The following UBXN11 variants were observed in gnomAD, a reference collection of about 807,000 sequenced individuals.
UBXN11 encodes the protein UBX domain protein 11.
A neutral mutation model predicts 62.8 loss-of-function variants in UBXN11; 47 were observed. The ratio of observed to expected loss-of-function variants is 0.75; its 90% CI spans 0.59 to 0.95. The LOEUF (loss-of-function observed/expected upper bound fraction) is 0.95. UBXN11 is among the 40% of genes least tolerant of loss of function. The pLI is 0.00. For missense variants in UBXN11, 638 were observed against 661.7 expected (o/e 0.96, Z 0.39); for synonymous variants, 294 against 267.0 (o/e 1.10, Z -0.99).
intron 1 of UBXN11, among the ~76,000 whole-genome samples, chr1:26,312,522 G>A (rs887267191): frequency 3.3e-5 from 5 of 151,796 alleles, no homozygotes; most frequent in Admixed American, 1.3e-4. Flanking sequence ...AAAGTGCTGG[G>A]ATTACAGGCA....
In UBXN11 at chr1:26,294,271, C is replaced by A. The variant is rs1469301125; in HGVS notation, c.493G>T (p.Glu165Ter). 9 of 1,614,232 alleles carry A rather than the reference C, an allele frequency of 5.6e-6. No homozygotes were observed. Among genetic ancestry groups the A allele is most frequent in the Non-Finnish European group, 7.6e-6 (9 of 1,180,016 alleles). ...CCATGCTCTGAGACTGTCTTGCTCT[C>A]TGAGTCCTCCTGGTCCATGGGCTCG... ...VGEPMDQEDS[E>*]SKTVSEHGER... The change falls in exon 8 of 15, where the codon GAG becomes TAG. Residue 165 changes from glutamate (E) to a stop codon, truncating the protein, a stop_gained. Coordinates refer to ENST00000374222, the MANE Select transcript of UBXN11 (RefSeq NM_001389556.1). LOFTEE classifies it high-confidence loss of function.
intron 12 of UBXN11, 122 bp from the exon 13 acceptor site, chr1:26,283,059 G>A: frequency 7.7e-7 from 1 of 1,296,854 alleles, no homozygotes; most frequent in Non-Finnish European, 1.1e-6. Context: ...GCGGGAGGGG[G>A]TGTTCTGTAT....
At chr1:26,310,841 T>C (rs1193700933), upstream of UBXN11, among the ~76,000 whole-genome samples, 1 of 151,680 alleles carries the variant, frequency 6.6e-6, no homozygotes, top group Non-Finnish European at 1.5e-5. Flanking sequence ...TCCCACATCT[T>C]AGAAGGTCTG....
chr1:26,282,508 C>G lies in UBXN11; in HGVS notation c.1354G>C (p.Asp452His). The change falls in exon 15 of 15, where the codon GAT (aspartate) becomes CAT (histidine). Residue 452 changes from aspartate to histidine, a missense_variant. Asp to His is a moderately conservative substitution (Grantham distance 81). Coordinates refer to ENST00000374222, the MANE Select transcript of UBXN11 (RefSeq NM_001389556.1). ...STFPPTLYQD[D>H]TLTLQAAGLV... is the part of the protein sequence containing the mutation. ...CCTGCAGCCTGCAGCGTGAGTGTAT[C>G]GTCCTGGTAGAGGGTGGGCGGGAAT... 1 of 1,601,422 alleles carries G rather than the reference C, an allele frequency of 6.2e-7. No individual in the cohort carries two copies. The highest frequency in any genetic ancestry group is 1.7e-5 in the Admixed American group (1 of 58,906).
upstream of UBXN11, chr1:26,307,126 G>A (rs1364196791): frequency 6.6e-6 from 1 of 152,160 alleles, no homozygotes; most frequent in Non-Finnish European, 1.5e-5. Context: ...ACAAATCCTT[G>A]ACCAGATTGG....
chr1:26,301,628 C>G, intron 3 of UBXN11, 66 bp downstream of exon 3: 1 of 1,595,824 alleles, frequency 6.3e-7, no homozygotes, highest in Non-Finnish European at 8.6e-7. Flanking sequence ...TTCTCTCCAT[C>G]GGTCCAACTG....
Position 26,300,958 on chromosome 1 carries a change from T to C in UBXN11, c.167A>G (p.Tyr56Cys), listed in dbSNP as rs368693459. The C allele has an allele frequency of 2.0e-5, 33 of 1,614,062 alleles. No homozygotes were observed. The highest frequency in any genetic ancestry group is 5.3e-5 in the African/African-American group (4 of 74,932). The change falls in exon 4 of 15, where the codon TAT becomes TGT. Residue 56 changes from tyrosine (Y) to cysteine (C), a missense_variant. Physicochemically the swap from Tyr to Cys is radical, Grantham distance 194. Coordinates refer to ENST00000374222, the MANE Select transcript of UBXN11 (RefSeq NM_001389556.1). ...SEEKISVPSC[Y>C]GGIGAPVSRQ... ...ACTCACAGGGGCACCTATGCCGCCA[T>C]AGCAGGAAGGGACTGAGATCTTTTC...
At chr1:26,308,507 G>A (rs1188967179), upstream of UBXN11, among the ~76,000 whole-genome samples, 2 of 152,100 alleles carry the variant, frequency 1.3e-5, no homozygotes, top group African/African-American at 2.4e-5. Context: ...GAGTCTGGGC[G>A]GAAAGTGTGA....
At position 26,284,351 on chromosome 1, in the gene UBXN11, G is replaced by A. The variant is rs1191476888; in HGVS notation, c.973+11C>T. 3.1e-6 allele frequency: 5 copies of A among 1,614,046 alleles called. No individual in the cohort carries two copies. Among genetic ancestry groups the A allele is most frequent in the African/African-American group, 2.7e-5 (2 of 75,062 alleles). ...CCCAGCCCCCTGGCTCAGCCTGGAG[G>A]CCAAACTCACCTGGGTGCTCCTCCA... On this transcript the variant is annotated intron_variant, in intron 11 of 14. Transcript: ENST00000374222.
chr1:26,301,345 G>A (rs996440698), intron 3 of UBXN11, among the ~76,000 whole-genome samples: 5 of 152,166 alleles, frequency 3.3e-5, no homozygotes, highest in African/African-American at 7.2e-5. Flanking sequence ...CTGTCACACT[G>A]GAGGAGGCTG....
At chr1:26,304,805 TC>T (rs1466824204) in intron 1 of UBXN11, among the ~76,000 whole-genome samples, 5 of 151,958 alleles carry the variant, frequency 3.3e-5, no homozygotes, top group Non-Finnish European at 5.9e-5. Flanking sequence ...TGCTTATGTC[TC>T]CTGACCTCAT....
At position 26,282,480 on chromosome 1, in the gene UBXN11, A is replaced by G. The variant is rs1468999197; in HGVS notation, c.1382T>C (p.Leu461Pro). The G allele has an allele frequency of 8.1e-6, 13 of 1,607,902 alleles. No individual in the cohort carries two copies. Among genetic ancestry groups the G allele is most frequent in the South Asian group, 1.1e-5 (1 of 90,598 alleles). ...DDTLTLQAAG[L>P]VPKAALLLRA... is the part of the protein sequence containing the mutation. ...CAGCAGCAGTGCTGCTTTGGGCACA[A>G]GGCCTGCAGCCTGCAGCGTGAGTGT... Residue 461 changes from leucine to proline, a missense_variant, in exon 15 of 15, where the codon CTT becomes CCT. Coordinates refer to ENST00000374222, the MANE Select transcript of UBXN11 (RefSeq NM_001389556.1).
chr1:26,312,396 G>A (rs1317806630), intron 1 of UBXN11, among the ~76,000 whole-genome samples: 1 of 151,996 alleles, frequency 6.6e-6, no homozygotes, highest in Non-Finnish European at 1.5e-5. Context: ...GATTACAGGT[G>A]CATGCCACCA....
chr1:26,285,122 C>T, intron 10 of UBXN11: 4 of 1,089,008 alleles, frequency 3.7e-6, no homozygotes, highest in Non-Finnish European at 4.5e-6. Flanking sequence ...GCCTCCCACC[C>T]TACCCAGATA....
At chr1:26,312,133 C>A (rs777770350) in intron 1 of UBXN11, among the ~76,000 whole-genome samples, 2 of 152,114 alleles carry the variant, frequency 1.3e-5, no homozygotes, top group Non-Finnish European at 2.9e-5. Flanking sequence ...AATTCCCACT[C>A]GATCCTTCAA....
chr1:26,291,667 G>A (rs979478779), intron 8 of UBXN11, among the ~76,000 whole-genome samples: 2 of 152,190 alleles, frequency 1.3e-5, no homozygotes, highest in Admixed American at 1.3e-4. Context: ...GCAGGGCCCA[G>A]GGTGCGGCAC....
At chr1:26,284,654 T>A in intron 10 of UBXN11, 172 bp from the exon 11 acceptor site, 1 of 1,375,256 alleles carries the variant, frequency 7.3e-7, no homozygotes. Flanking sequence ...TGCTGTCATC[T>A]CCCTCAGCCC....
intron 8 of UBXN11, among the ~76,000 whole-genome samples, chr1:26,292,635 C>G (rs1221866563): frequency 6.6e-6 from 1 of 152,110 alleles, no homozygotes; most frequent in Non-Finnish European, 1.5e-5. Flanking sequence ...GCGGGAAGAT[C>G]ACGAGGTTAG....
At chr1:26,302,987 G>T in intron 1 of UBXN11, 69 bp from the exon 2 acceptor site, 1 of 1,077,070 alleles carries the variant, frequency 9.3e-7, no homozygotes, top group South Asian at 1.4e-5. Context: ...GTAGCCTGAA[G>T]TTTCCACTTC....
Sources: gnomAD v4.1 joint callset for allele counts (sites outside exome capture counted in the v4.1 genomes callset) on GRCh38, gnomAD v4.1.1 for gene constraint, MANE v1.5 for transcripts, NCBI Gene and HGNC (gene_info 2026-07-23, HGNC 2026-07-21) for gene names.